Variants in AKNA observed in about 807,000 individuals in gnomAD.
AKNA encodes AT-hook transcription factor.
AKNA carries 67 observed loss-of-function variants against 138.8 expected under a neutral mutation model. The ratio of observed to expected loss-of-function variants is 0.48; its 90% CI spans 0.40 to 0.59. The LOEUF is 0.59. Among genes scored for constraint, AKNA ranks in the 20% least tolerant of loss-of-function variants. The pLI is 0.00. For missense variants in AKNA, 1,813 were observed against 1,880.4 expected, an observed-to-expected ratio of 0.96 and a Z score of 0.66; for synonymous variants, 737 against 754.4, an observed-to-expected ratio of 0.98 and a Z score of 0.38.
At chr9:114,370,710 T>C (rs528064169) in intron 4 of AKNA, among the ~76,000 whole-genome samples, 56 of 152,160 alleles carry the variant, frequency 3.7e-4, no homozygotes, top group Admixed American at 1.2e-3. Context: ...TTGGGAAACA[T>C]TGGGTTAAAC....
Position 114,335,719 on chromosome 9 carries a change from C to G in AKNA, c.*1335G>C, listed in dbSNP as rs1454868536. Reference sequence around the variant, plus strand: ...CCGGGAGGCGGAGGTTGCAGTGAGCCGAGATTCCACCACTGTACCCCAGCC... The same window carrying G: ...CCGGGAGGCGGAGGTTGCAGTGAGCGGAGATTCCACCACTGTACCCCAGCC... On this transcript the variant is annotated 3_prime_UTR_variant, in exon 22 of 22. Transcript: ENST00000374088. 6.8e-6 allele frequency: 1 copy of G among 146,760 alleles called. No individual in the cohort carries two copies. Among genetic ancestry groups the G allele is most frequent in the Non-Finnish European group, 1.5e-5 (1 of 67,484 alleles). 9.1% of individuals were successfully genotyped at this position (146,760 alleles called of 1,614,324 possible). A position where few individuals can be genotyped will look rare whatever the true frequency, so the allele number is the denominator to read the frequency against.
chr9:114,382,904 A>T (rs1326264817), intron 1 of AKNA, among the ~76,000 whole-genome samples: 2 of 152,008 alleles, frequency 1.3e-5, no homozygotes, highest in Non-Finnish European at 2.9e-5. Context: ...AACTAGATGG[A>T]GGTGGCAGTT....
intron 6 of AKNA, among the ~76,000 whole-genome samples, chr9:114,366,465 G>A (rs937020741): frequency 1.3e-5 from 2 of 152,108 alleles, no homozygotes; most frequent in African/African-American, 2.4e-5. Context: ...AGCAGCCGAC[G>A]GAGGCTGGGG....
chr9:114,366,705 G>C (rs754113559), intron 6 of AKNA, among the ~76,000 whole-genome samples: 13 of 149,648 alleles, frequency 8.7e-5, no homozygotes, highest in South Asian at 2.2e-4. Flanking sequence ...GGAGGGGAGG[G>C]GAGGAGAGAA....
rs1173605715 is a variant in AKNA, at chr9:114,359,587, G to A, written c.2492+7C>T. 6.2e-7 allele frequency: 1 copy of A among 1,614,160 alleles called. No individual in the cohort carries two copies. The highest frequency in any genetic ancestry group is 1.7e-5 in the Admixed American group (1 of 60,024). On this transcript the variant is annotated splice_region_variant and intron_variant, in intron 11 of 21. Transcript: ENST00000374088. ...AAACATTCTGCAGGAAAGGCTCAGT[G>A]ACTTACTCCAGGGGAGCCCCATGAC...
chr9:114,337,049 T>G lies in AKNA; in HGVS notation c.*5A>C. 2 of 673,542 alleles carry G rather than the reference T, an allele frequency of 3.0e-6. No individual in the cohort carries two copies. Among genetic ancestry groups the G allele is most frequent in the East Asian group, 2.6e-4 (2 of 7,768 alleles). 41.7% of individuals were successfully genotyped at this position (673,542 alleles called of 1,614,324 possible). On this transcript the variant is annotated 3_prime_UTR_variant, in exon 22 of 22. Transcript: ENST00000374088. ...CACCCATCTGCCTCTGGGCCCCCAG[T>G]GAAGTCAGAAGAGGCAGGAGCCCCG...
At chr9:114,358,274 G>C in intron 11 of AKNA, 107 bp from the exon 12 acceptor site, 3 of 1,483,792 alleles carry the variant, frequency 2.0e-6, no homozygotes, top group Non-Finnish European at 2.7e-6. Context: ...TCTGGAGTCA[G>C]ACATCCCTGG....
intron 3 of AKNA, among the ~76,000 whole-genome samples, chr9:114,374,681 T>C (rs1349514603): frequency 6.6e-6 from 1 of 152,214 alleles, no homozygotes; most frequent in East Asian, 1.9e-4. Flanking sequence ...CAGAGTCACT[T>C]ATCTTAAACA....
chr9:114,367,128 G>A lies in AKNA; in HGVS notation c.1728+415C>T, dbSNP rs75510215. Among the ~76,000 whole-genome samples, 753 of 152,258 alleles carry A rather than the reference G, an allele frequency of 4.9e-3. 7 individuals are homozygous for A. The highest frequency in any genetic ancestry group is 0.017 in the African/African-American group (702 of 41,538). On this transcript the variant is annotated intron_variant, in intron 6 of 21. Transcript: ENST00000374088. ...TTCATGAAGATACGAAGACCCTTGA[G>A]AAGTAACTAGGAATTGATTTATTTA...
At chr9:114,331,970 C>G (rs1336003258), downstream of AKNA, 1 of 1,575,388 alleles carries the variant, frequency 6.3e-7, no homozygotes, top group Non-Finnish European at 8.7e-7. Flanking sequence ...TTGTCCATGG[C>G]CCAACTTGGG....
chr9:114,362,827 C>T (rs1832076799), intron 7 of AKNA, among the ~76,000 whole-genome samples: 1 of 152,192 alleles, frequency 6.6e-6, no homozygotes, highest in Admixed American at 6.5e-5. Context: ...CCCAATGTAC[C>T]ACAAACTGTC....
rs1456819316 is a variant in AKNA, at chr9:114,360,051, G to C, written c.2136C>G (p.Thr712=). 1 of 1,614,152 alleles carries C rather than the reference G, an allele frequency of 6.2e-7. No homozygotes were observed. Among genetic ancestry groups the C allele is most frequent in the East Asian group, 2.2e-5 (1 of 44,888 alleles). The change falls in exon 10 of 22, where the codon ACC becomes ACG. Residue 712 remains threonine, a synonymous_variant. Transcript: ENST00000374088. ...IKTSCPEPAT[T]TAAASTGPCP... Reference sequence around the variant, plus strand: ...AGGGGCCAGTGCTGGCGGCGGCAGTGGTGGTAGCAGGCTGGGGTCAGAAAG... The same window carrying C: ...AGGGGCCAGTGCTGGCGGCGGCAGTCGTGGTAGCAGGCTGGGGTCAGAAAG...
intron 15 of AKNA, among the ~76,000 whole-genome samples, chr9:114,350,434 C>T (rs1451621438): frequency 1.3e-5 from 2 of 152,118 alleles, no homozygotes; most frequent in Non-Finnish European, 2.9e-5. Flanking sequence ...TCTGTTCAAC[C>T]AAGGAAGTGG....
In AKNA at chr9:114,346,674, G is replaced by T; in HGVS notation, c.3509C>A (p.Ser1170Tyr). Residue 1170 changes from serine (S) to tyrosine (Y), a missense_variant, in exon 17 of 22, where the codon TCC becomes TAC. Transcript: ENST00000374088. ...CTTTGCAGGTGGTCACTTACTCAGG[G>T]ACAGTCGGAGCACCTCCCGAGGCAC... ...SSVPREVLRL[S>Y]LSSESELPSL... 6.2e-7 allele frequency: 1 copy of T among 1,607,382 alleles called. No homozygotes were observed. The highest frequency in any genetic ancestry group is 8.5e-7 in the Non-Finnish European group (1 of 1,176,810).
At position 114,377,145 on chromosome 9, in the gene AKNA, C is replaced by G; in HGVS notation, c.662G>C (p.Gly221Ala). 1.9e-6 allele frequency: 3 copies of G among 1,614,176 alleles called. No homozygotes were observed. Among genetic ancestry groups the G allele is most frequent in the Non-Finnish European group, 2.5e-6 (3 of 1,180,026 alleles). Reference sequence around the variant, plus strand: ...AGTGGGCTGGGGGCCATCGGTCTCTCCTTCCCAGGTAGAATCAAGGCTGTC... The same window carrying G: ...AGTGGGCTGGGGGCCATCGGTCTCTGCTTCCCAGGTAGAATCAAGGCTGTC... ...PSDSLDSTWE[G>A]ETDGPQPTAL... The change falls in exon 3 of 22, where the codon GGA becomes GCA. Residue 221 changes from glycine (G) to alanine (A), a missense_variant. By Grantham distance (60) the Gly-to-Ala change is moderately conservative. Coordinates refer to ENST00000374088, the MANE Select transcript of AKNA (RefSeq NM_001317950.2).
Position 114,350,908 on chromosome 9 carries a change from C to T in AKNA, c.3172G>A (p.Gly1058Arg). The T allele has an allele frequency of 6.2e-7, 1 of 1,605,894 alleles. No homozygotes were observed. The highest frequency in any genetic ancestry group is 8.5e-7 in the Non-Finnish European group (1 of 1,176,584). Residue 1058 changes from glycine (G) to arginine (R), a missense_variant, in exon 15 of 22, where the codon GGA becomes AGA. Transcript: ENST00000374088. ...AAGCTGGGGATGGTCTCTGTTGGTC[C>T]ACAGGGTAGAGGCGCAGCGGCAGGG... ...PAPAAAPLPC[G>R]PTETIPSFLL...
At chr9:114,386,971 C>T (rs931063575) in intron 1 of AKNA, among the ~76,000 whole-genome samples, 4 of 152,096 alleles carry the variant, frequency 2.6e-5, no homozygotes, top group African/African-American at 9.7e-5. Context: ...CCCCCACCCA[C>T]ACCCTGACAC....
chr9:114,359,496 CT>C (rs1831760195), intron 11 of AKNA, 97 bp downstream of exon 11: 1 of 1,594,340 alleles, frequency 6.3e-7, no homozygotes, highest in African/African-American at 1.4e-5. Context: ...TAAGCCATGT[CT>C]AAACTGTGAA....
At position 114,337,098 on chromosome 9, in the gene AKNA, C is replaced by T. The variant is rs202028720; in HGVS notation, c.4276G>A (p.Asp1426Asn). Reference protein sequence around the residue: ...TRQMRSSLSADLRQAHSLRGS... With the variant: ...TRQMRSSLSANLRQAHSLRGS... Reference sequence around the variant, plus strand: ...CGCAGGCTGTGAGCCTGGCGCAGGTCGGCTGACAGCGAGCTTCTCATCTGC... The same window carrying T: ...CGCAGGCTGTGAGCCTGGCGCAGGTTGGCTGACAGCGAGCTTCTCATCTGC... The change falls in exon 22 of 22, where the codon GAC becomes AAC. Residue 1426 changes from aspartate (D) to asparagine (N), a missense_variant. Asp to Asn is a conservative substitution (Grantham distance 23). Transcript: ENST00000374088. 21 of 1,545,242 alleles carry T rather than the reference C, an allele frequency of 1.4e-5. No homozygotes were observed. Among genetic ancestry groups the T allele is most frequent in the East Asian group, 2.5e-5 (1 of 39,516 alleles).
Sources: allele counts gnomAD v4.1 joint callset (sites outside exome capture counted in the v4.1 genomes callset), GRCh38; gene constraint gnomAD v4.1.1; transcripts MANE v1.5; gene names NCBI Gene and HGNC (gene_info 2026-07-23, HGNC 2026-07-21).